The following PM20D2 variants were observed in gnomAD, a reference collection of about 807,000 sequenced individuals.
PM20D2 encodes xaa-Arg dipeptidase.
In PM20D2, 33 loss-of-function variants were observed where a neutral mutation model predicts 42.9. The ratio of observed to expected loss-of-function variants is 0.77; its 90% CI spans 0.58 to 1.03. PM20D2 has a LOEUF of 1.03. Among genes scored for constraint, PM20D2 ranks in the 50% least tolerant of loss-of-function variants. PM20D2 has a pLI of 0.00. For missense variants in PM20D2, 548 were observed against 557.0 expected (o/e 0.98, Z 0.16); for synonymous variants, 250 against 228.2 (o/e 1.10, Z -0.86).
At chr6:89,095,202 T>C in the PM20D2 span, among the ~76,000 whole-genome samples, 1 of 152,184 alleles carries the variant, frequency 6.6e-6, no homozygotes, top group East Asian at 1.9e-4. Context: ...GGAAAACAAA[T>C]CTAATTTTTA....
chr6:89,156,669 G>C (rs1464159348), intron 4 of PM20D2, among the ~76,000 whole-genome samples: 1 of 152,090 alleles, frequency 6.6e-6, no homozygotes, highest in East Asian at 1.9e-4. Flanking sequence ...AACCTTGGAG[G>C]AAGGTTTTGT....
chr6:89,129,545 C>A, the PM20D2 span, among the ~76,000 whole-genome samples: 1 of 149,772 alleles, frequency 6.7e-6, no homozygotes, highest in African/African-American at 2.5e-5. Flanking sequence ...ATTTTAAAAG[C>A]AATAGAAAAT....
At chr6:89,142,315 G>C (rs1323198234), upstream of PM20D2, among the ~76,000 whole-genome samples, 1 of 152,172 alleles carries the variant, frequency 6.6e-6, no homozygotes, top group Admixed American at 6.6e-5. Context: ...GTTTCAGCTA[G>C]AGAAGTTTCT....
rs757751049 is a variant in PM20D2 at position 89,154,731 on chromosome 6, T to C, written c.758-17T>C. The stretch of plus-strand genomic sequence containing the variant: ...TGGTCACCAAGCTTAATTCTAGTAA[T>C]TTGGTTCTTTTTATAGGTATAATAA... On this transcript the variant is annotated splice_polypyrimidine_tract_variant and intron_variant, in intron 3 of 6. Coordinates refer to ENST00000275072, the MANE Select transcript of PM20D2 (RefSeq NM_001010853.3). The C allele has an allele frequency of 6.8e-7, 1 of 1,473,110 alleles. No homozygotes were observed. Among genetic ancestry groups the C allele is most frequent in the Non-Finnish European group, 9.1e-7 (1 of 1,099,722 alleles). 91.3% of individuals were successfully genotyped at this position (1,473,110 alleles called of 1,614,324 possible). A position where few individuals can be genotyped will look rare whatever the true frequency, so the allele number is the denominator to read the frequency against.
chr6:89,160,779 A>G (rs1771206658), intron 5 of PM20D2, among the ~76,000 whole-genome samples: 1 of 152,206 alleles, frequency 6.6e-6, no homozygotes, highest in African/African-American at 2.4e-5. Context: ...ATTTCACTTT[A>G]TGGGAAGGTG....
At chr6:89,106,188 T>C in the PM20D2 span, among the ~76,000 whole-genome samples, 1 of 152,178 alleles carries the variant, frequency 6.6e-6, no homozygotes, top group African/African-American at 2.4e-5. Context: ...TGGCGCGATC[T>C]CAGCTCACTG....
the PM20D2 span, among the ~76,000 whole-genome samples, chr6:89,133,914 G>A: frequency 6.6e-6 from 1 of 151,280 alleles, no homozygotes; most frequent in Non-Finnish European, 1.5e-5. Context: ...TAAATTACAT[G>A]ATATTTGGGT....
rs771784595 is a variant in PM20D2 at position 89,165,413 on chromosome 6, A to G, written c.*3150A>G. The stretch of plus-strand genomic sequence containing the variant: ...TTCATATCAAGCATTTTGCAGTCCA[A>G]TTATATAGTTGAGGATGGTGTATTT... On this transcript the variant is annotated 3_prime_UTR_variant, in exon 7 of 7. Transcript: ENST00000275072. 9.2e-5 allele frequency: 14 copies of G among 152,178 alleles called. No individual in the cohort carries two copies. The highest frequency in any genetic ancestry group is 1.2e-4 in the African/African-American group (5 of 41,444). 9.4% of individuals were successfully genotyped at this position (152,178 alleles called of 1,614,324 possible).
At chr6:89,104,124 A>G in the PM20D2 span, among the ~76,000 whole-genome samples, 1 of 148,432 alleles carries the variant, frequency 6.7e-6, no homozygotes, top group East Asian at 2.0e-4. Flanking sequence ...GCACCTGGAC[A>G]TTTTATTGTA....
At chr6:89,143,216 C>A (rs1053538201), upstream of PM20D2, among the ~76,000 whole-genome samples, 2 of 152,148 alleles carry the variant, frequency 1.3e-5, no homozygotes, top group African/African-American at 2.4e-5. Context: ...AGCCTGCTGC[C>A]TTTTCAAAAG....
the PM20D2 span, among the ~76,000 whole-genome samples, chr6:89,134,225 C>T: frequency 1.3e-5 from 2 of 151,100 alleles, no homozygotes; most frequent in Non-Finnish European, 2.9e-5. Context: ...ATCCTGATCT[C>T]AATCCTGATC....
the PM20D2 span, among the ~76,000 whole-genome samples, chr6:89,125,633 A>T: frequency 2.0e-5 from 3 of 151,852 alleles, no homozygotes; most frequent in Admixed American, 6.6e-5. Flanking sequence ...ATACAAAAAA[A>T]TTAGCCGGGC....
chr6:89,130,818 T>G, the PM20D2 span, among the ~76,000 whole-genome samples: 151 of 114,776 alleles, frequency 1.3e-3, 1 homozygote, highest in African/African-American at 3.8e-3. Flanking sequence ...GGCTTCTTCT[T>G]CTTTTTTTTT....
chr6:89,116,557 T>C, the PM20D2 span, among the ~76,000 whole-genome samples: 1 of 152,096 alleles, frequency 6.6e-6, no homozygotes, highest in African/African-American at 2.4e-5. Context: ...GGCGGATCAC[T>C]TGAGGTCAGG....
the PM20D2 span, among the ~76,000 whole-genome samples, chr6:89,115,992 A>G: frequency 1.3e-5 from 2 of 152,244 alleles, no homozygotes. Context: ...GATTACACAT[A>G]CAAAATCCAG....
chr6:89,126,668 T>TAAAAA, the PM20D2 span, among the ~76,000 whole-genome samples: 2 of 104,648 alleles, frequency 1.9e-5, no homozygotes, highest in Admixed American at 1.1e-4. Flanking sequence ...AGACTCCATC[T>TAAAAA]AAAAAAAAAA....
chr6:89,130,353 C>CCTCCCAAAGTGCTGGGGT, the PM20D2 span, among the ~76,000 whole-genome samples: 2 of 151,276 alleles, frequency 1.3e-5, no homozygotes, highest in Non-Finnish European at 1.5e-5. Context: ...CCTGCTGTGG[C>CCTCCCAAAGTGCTGGGGT]CTCCCAAAGT....
At chr6:89,104,129 A>T in the PM20D2 span, among the ~76,000 whole-genome samples, 1 of 142,224 alleles carries the variant, frequency 7.0e-6, no homozygotes, top group Non-Finnish European at 1.5e-5. Context: ...TGGACATTTT[A>T]TTGTATTTCT....
At chr6:89,130,815 T>G in the PM20D2 span, among the ~76,000 whole-genome samples, 5,975 of 130,914 alleles carry the variant, frequency 0.046, 262 homozygotes, top group African/African-American at 0.09. Context: ...TCTGGCTTCT[T>G]CTTCTTTTTT....
Sources: gnomAD v4.1 joint callset for allele counts (sites outside exome capture counted in the v4.1 genomes callset) on GRCh38, gnomAD v4.1.1 for gene constraint, MANE v1.5 for transcripts, NCBI Gene and HGNC (gene_info 2026-07-23, HGNC 2026-07-21) for gene names.